Variants in DNMT1 observed in about 807,000 individuals in gnomAD.
The protein encoded by DNMT1 is DNA methyltransferase 1.
Under a neutral mutation model 205.3 loss-of-function variants are expected in DNMT1, and 24 were observed. That is an observed-to-expected ratio of 0.12 (90% CI 0.08 to 0.16). DNMT1 has a LOEUF of 0.16. DNMT1 is among the 10% of genes least tolerant of loss of function. The pLI, the probability that DNMT1 is intolerant of heterozygous loss-of-function variation, is 1.00. For missense variants in DNMT1, 1,293 were observed against 2,177.7 expected, an observed-to-expected ratio of 0.59 and a Z score of 8.09; for synonymous variants, 817 against 839.8, an observed-to-expected ratio of 0.97 and a Z score of 0.47.
At position 10,173,148 on chromosome 19, in the gene DNMT1, T is replaced by A. The variant is rs1319952912; in HGVS notation, c.710A>T (p.Glu237Val). The part of the protein sequence containing the change: ...ERVARPLPAE[E>V]PERAKSGTRT... The stretch of plus-strand genomic sequence containing the variant: ...CGTTCCTGATTTTGCTCTTTCAGGT[T>A]CTTCTGCAGGAAGCGGTCTAGCAAC... Residue 237 changes from glutamate to valine, a missense_variant, in exon 9 of 41, where the codon GAA becomes GTA. Physicochemically the swap from Glu to Val is moderately radical, Grantham distance 121. Around this residue, in one of 13 missense-constraint regions of DNMT1, gnomAD observed 394 missense variants for 451.6 expected, o/e 0.87. Transcript: ENST00000359526. 18 of 1,614,056 alleles carry A rather than the reference T, an allele frequency of 1.1e-5. No individual in the cohort carries two copies. The highest frequency in any genetic ancestry group is 1.4e-5 in the Non-Finnish European group (17 of 1,180,042).
At chr19:10,176,775 T>C (rs2038946250) in intron 6 of DNMT1, among the ~76,000 whole-genome samples, 1 of 152,094 alleles carries the variant, frequency 6.6e-6, no homozygotes, top group African/African-American at 2.4e-5. Context: ...GGAGAATCAC[T>C]TGAACCCGGG....
chr19:10,169,698 G>A (rs1475677466), intron 9 of DNMT1, among the ~76,000 whole-genome samples: 3 of 150,580 alleles, frequency 2.0e-5, no homozygotes, highest in Admixed American at 6.6e-5. Context: ...CCTGGGAAGC[G>A]GAGCTTGAAG....
intron 27 of DNMT1, among the ~76,000 whole-genome samples, chr19:10,147,653 G>C (rs2038227914): frequency 6.6e-6 from 1 of 152,050 alleles, no homozygotes; most frequent in Admixed American, 6.6e-5. Flanking sequence ...TCAAGCCAAA[G>C]CTAGCACGAG....
chr19:10,190,941 A>C (rs1040870966), intron 1 of DNMT1, among the ~76,000 whole-genome samples: 1 of 151,996 alleles, frequency 6.6e-6, no homozygotes, highest in East Asian at 1.9e-4. Flanking sequence ...GGCAAAACCC[A>C]GTCTCTAATA....
Position 10,175,713 on chromosome 19 carries a change from G to A in DNMT1, c.570-95C>T, listed in dbSNP as rs998021285. On this transcript the variant is annotated intron_variant, in intron 6 of 40. Transcript: ENST00000359526. ...CCTCATTCACCAGGATGTTGAAAGA[G>A]GCTTCAAGTTTAATGTTTCTCTGAA... The A allele has an allele frequency of 5.0e-6, 6 of 1,194,720 alleles. No individual in the cohort carries two copies. In the African/African-American group the frequency reaches 9.0e-5, roughly 18 times the overall value. The allele number at this position is 1,194,720 out of a possible 1,614,324, so 74.0% of individuals were successfully genotyped here.
rs2089518485 is a variant in DNMT1, at chr19:10,137,734, G to A, written c.4293+98C>T. 1 of 1,491,126 alleles carries A rather than the reference G, an allele frequency of 6.7e-7. No homozygotes were observed. The highest frequency in any genetic ancestry group is 1.9e-5 in the Admixed American group (1 of 51,450). 92.4% of individuals were successfully genotyped at this position (1,491,126 alleles called of 1,614,324 possible). ...ACTCGGGAGGAGGAGCCTGGGATCAGATTCCATGTCTCCCCTGAGTCTTGG... is the reference window on the plus strand; with the variant it reads ...ACTCGGGAGGAGGAGCCTGGGATCAAATTCCATGTCTCCCCTGAGTCTTGG... On this transcript the variant is annotated intron_variant, in intron 36 of 40. Transcript: ENST00000359526. This position sits in a 1 kb window ranked among gnomAD's most constrained non-coding sequence, Gnocchi z 6.4.
intron 1 of DNMT1, 129 bp from the exon 2 acceptor site, chr19:10,182,206 A>ATG: frequency 2.1e-6 from 2 of 953,478 alleles, no homozygotes; most frequent in Admixed American, 2.0e-5. Context: ...AGAAAAAACT[A>ATG]AGCTGGCTTT....
Position 10,173,074 on chromosome 19 carries a change from G to A in DNMT1, c.768+16C>T, listed in dbSNP as rs2038855209. ...TTAAGGGAGAATTAACAAACTTAGA[G>A]GTGATAGAGCTTTACTTTTTCATCT... On this transcript the variant is annotated intron_variant, in intron 9 of 40. Coordinates refer to ENST00000359526, the MANE Select transcript of DNMT1 (RefSeq NM_001130823.3). 6.2e-7 allele frequency: 1 copy of A among 1,613,946 alleles called. No individual in the cohort carries two copies. The highest frequency in any genetic ancestry group is 1.3e-5 in the African/African-American group (1 of 74,918).
chr19:10,141,140 C>T lies in DNMT1; in HGVS notation c.3359G>A (p.Arg1120His). ...GCCCTTCCCTTTGTTTCCAGGGCTA[C>T]GGGCATGGTTGGGAGGATCTTCAAA... is the stretch of plus-strand genomic sequence containing the variant. Reference protein sequence around the residue: ...KSFEDPPNHARSPGNKGKGKG... With the variant: ...KSFEDPPNHAHSPGNKGKGKG... The change falls in exon 31 of 41, where the codon CGT becomes CAT. Residue 1120 changes from arginine (R) to histidine (H), a missense_variant. By Grantham distance (29) the Arg-to-His change is conservative (BLOSUM62 0). This residue lies in a region of DNMT1 where 167 missense variants were observed against 258.1 expected (regional missense o/e 0.65). Coordinates refer to ENST00000359526, the MANE Select transcript of DNMT1 (RefSeq NM_001130823.3). The T allele has an allele frequency of 1.9e-6, 3 of 1,614,042 alleles. No individual in the cohort carries two copies. Among genetic ancestry groups the T allele is most frequent in the Non-Finnish European group, 1.7e-6 (2 of 1,180,038 alleles).
At chr19:10,179,499 GCAGGGATTACAGGCATGAGCCACCA>G (rs2039001425) in intron 5 of DNMT1, among the ~76,000 whole-genome samples, 1 of 152,060 alleles carries the variant, frequency 6.6e-6, no homozygotes, top group Non-Finnish European at 1.5e-5. Context: ...CACCCAAAGT[GCAGGGATTACAGGCATGAGCCACCA>G]CACCCCCAGC....
rs2089515884 is a variant in DNMT1 at position 10,137,657 on chromosome 19, G to A, written c.4293+175C>T. On this transcript the variant is annotated intron_variant, in intron 36 of 40. Coordinates refer to ENST00000359526, the MANE Select transcript of DNMT1 (RefSeq NM_001130823.3). This position sits in a 1 kb window ranked among gnomAD's most constrained non-coding sequence, Gnocchi z 6.4. ...CCAAGTCCAGGACTGCGGGAGCTCT[G>A]ACACTTCCCATGACCATGCAAGAGA... The A allele has an allele frequency of 2.1e-6, 2 of 937,608 alleles. No individual in the cohort carries two copies. Among genetic ancestry groups the A allele is most frequent in the African/African-American group, 1.6e-5 (1 of 61,324 alleles). The allele number at this position is 937,608 out of a possible 1,614,324, so 58.1% of individuals were successfully genotyped here.
intron 27 of DNMT1, among the ~76,000 whole-genome samples, chr19:10,148,311 AC>A (rs1265564560): frequency 2.0e-5 from 3 of 150,784 alleles, no homozygotes; most frequent in Non-Finnish European, 4.4e-5. Flanking sequence ...CCTGGCTAAC[AC>A]AGTGAAACCT....
intron 29 of DNMT1, among the ~76,000 whole-genome samples, chr19:10,143,413 G>A (rs958198250): frequency 2.7e-5 from 4 of 145,560 alleles, no homozygotes; most frequent in Non-Finnish European, 4.5e-5. Flanking sequence ...TGGTAGGGCC[G>A]GGGTCTCACT....
In DNMT1 at chr19:10,143,826, T is replaced by C. The variant is rs2089648576; in HGVS notation, c.3056A>G (p.Lys1019Arg). The change falls in exon 29 of 41, where the codon AAG (lysine) becomes AGG (arginine). Residue 1019 changes from lysine to arginine, a missense_variant. Coordinates refer to ENST00000359526, the MANE Select transcript of DNMT1 (RefSeq NM_001130823.3). The stretch of plus-strand genomic sequence containing the variant: ...CTCATTGGGCCTGCCGTTGCTCTTC[T>C]TGGGACAGAAGATCTCTTTGATCCG... Reference protein sequence around the residue: ...IGRIKEIFCPKKSNGRPNETD... With the variant: ...IGRIKEIFCPRKSNGRPNETD... 1 of 1,614,176 alleles carries C rather than the reference T, an allele frequency of 6.2e-7. No individual in the cohort carries two copies. The highest frequency in any genetic ancestry group is 8.5e-7 in the Non-Finnish European group (1 of 1,180,032).
Position 10,194,736 on chromosome 19 carries a change from C to T in DNMT1, c.80+84G>A, listed in dbSNP as rs867870620. On this transcript the variant is annotated intron_variant, in intron 1 of 40. Transcript: ENST00000359526. ...TGCGCGCCCGTCTGTCAGCAGCGGC[C>T]ACCGGCCACCCCGAGGGGAAGCGAC... 11 of 1,491,360 alleles carry T rather than the reference C, an allele frequency of 7.4e-6. No homozygotes were observed. In the Middle Eastern group the frequency reaches 7.1e-4, roughly 96 times the overall value. 92.4% of individuals were successfully genotyped at this position (1,491,360 alleles called of 1,614,324 possible).
In DNMT1 at chr19:10,140,363, C is replaced by T. The variant is rs530627001; in HGVS notation, c.3524-35G>A. 1.2e-6 allele frequency: 2 copies of T among 1,608,190 alleles called. No homozygotes were observed. Among genetic ancestry groups the T allele is most frequent in the South Asian group, 1.1e-5 (1 of 90,764 alleles). On this transcript the variant is annotated intron_variant, in intron 32 of 40. Transcript: ENST00000359526. The surrounding 1 kb of genome is among the most constrained non-coding windows in gnomAD (Gnocchi z 8.4). ...CAAGCACGAAGCCATGCTTTCAACT[C>T]TCCAGAAGATTTTTTTTTTTTTTTG...
intron 1 of DNMT1, among the ~76,000 whole-genome samples, chr19:10,189,417 A>C (rs1164041737): frequency 6.9e-6 from 1 of 145,454 alleles, no homozygotes; most frequent in Non-Finnish European, 1.5e-5. Flanking sequence ...CACCACGCCC[A>C]GCTGATTTTT....
chr19:10,182,359 A>ATG (rs773517084), intron 1 of DNMT1, among the ~76,000 whole-genome samples: 139 of 148,820 alleles, frequency 9.3e-4, no homozygotes, highest in African/African-American at 2.5e-3. Flanking sequence ...AATTATGTGT[A>ATG]TGTGTGTGTG....
chr19:10,147,792 A>G (rs1431272322), intron 27 of DNMT1, among the ~76,000 whole-genome samples: 1 of 151,944 alleles, frequency 6.6e-6, no homozygotes, highest in Non-Finnish European at 1.5e-5. Context: ...CGGAGGTTAA[A>G]AAGAAGGCAT....
Sources: allele counts gnomAD v4.1 joint callset (sites outside exome capture counted in the v4.1 genomes callset), GRCh38; gene constraint gnomAD v4.1.1; regional missense constraint gnomAD v4.1.1; non-coding constraint Gnocchi (gnomAD v3.1); transcripts MANE v1.5; gene names NCBI Gene and HGNC (gene_info 2026-07-23, HGNC 2026-07-21).